Variants in SPSB4 observed in about 807,000 individuals in gnomAD.
SPSB4 encodes the protein SPRY domain-containing SOCS box protein 4.
SPSB4 carries 21 observed loss-of-function variants against 20.9 expected under a neutral mutation model. The observed-to-expected ratio is 1.01, with a 90% confidence interval of 0.71 to 1.45. SPSB4 has a LOEUF of 1.45. Among genes scored for constraint, SPSB4 ranks in the 40% most tolerant of loss-of-function variants. The probability of loss-of-function intolerance (pLI) is 0.00; values close to 1 mark genes in which losing one functional copy is unlikely to be tolerated. For missense variants in SPSB4, 399 were observed against 399.2 expected (o/e 1.00, Z 0.00); for synonymous variants, 207 against 183.8 (o/e 1.13, Z -1.02).
chr3:141,127,002 A>G (rs566267232), intron 2 of SPSB4, among the ~76,000 whole-genome samples: 290 of 152,360 alleles, frequency 1.9e-3, no homozygotes, highest in South Asian at 5.0e-3. Flanking sequence ...CTCCCCGCCC[A>G]ACCCAAACAC....
At chr3:141,074,966 AC>A (rs928527976) in intron 2 of SPSB4, among the ~76,000 whole-genome samples, 7 of 152,170 alleles carry the variant, frequency 4.6e-5, no homozygotes, top group African/African-American at 1.7e-4. Flanking sequence ...CCAATGCAAG[AC>A]CCACCTTTTA....
chr3:141,054,455 C>T (rs934185405), intron 1 of SPSB4, among the ~76,000 whole-genome samples: 7 of 152,228 alleles, frequency 4.6e-5, no homozygotes, highest in Non-Finnish European at 1.0e-4. Context: ...ATGGTTCCTA[C>T]ATAAGCCAAC....
intron 2 of SPSB4, among the ~76,000 whole-genome samples, chr3:141,126,238 C>T (rs530959296): frequency 6.6e-6 from 1 of 152,128 alleles, no homozygotes; most frequent in Non-Finnish European, 1.5e-5. Context: ...AGGCTCAAAC[C>T]CCTGTCTCCT....
At position 141,100,243 on chromosome 3, in the gene SPSB4, C is replaced by A. The variant is rs148460931; in HGVS notation, c.694+33445C>A. ...ACAAATTCATATGTTGATGTCCTAA[C>A]CCCAGCACCTCAGAAAGTGACCTCA... On this transcript the variant is annotated intron_variant, in intron 2 of 2. Coordinates refer to ENST00000310546, the MANE Select transcript of SPSB4 (RefSeq NM_080862.3). Among the ~76,000 whole-genome samples, 242 of 152,232 alleles carry A rather than the reference C, an allele frequency of 1.6e-3. 1 individual carries two copies. Among genetic ancestry groups the A allele is most frequent in the African/African-American group, 5.4e-3 (223 of 41,530 alleles).
chr3:141,071,330 G>A (rs1937998476), intron 2 of SPSB4, among the ~76,000 whole-genome samples: 1 of 152,172 alleles, frequency 6.6e-6, no homozygotes, highest in Non-Finnish European at 1.5e-5. Context: ...CTTGGGTGGT[G>A]AGTGGTATGT....
At chr3:141,105,742 C>T (rs924652885) in intron 2 of SPSB4, among the ~76,000 whole-genome samples, 7 of 152,192 alleles carry the variant, frequency 4.6e-5, no homozygotes, top group Non-Finnish European at 1.0e-4. Flanking sequence ...ATAAAGAAGA[C>T]ACAATGTAAG....
chr3:141,061,477 A>G (rs941546134), intron 1 of SPSB4, among the ~76,000 whole-genome samples: 4 of 152,058 alleles, frequency 2.6e-5, no homozygotes, highest in Non-Finnish European at 5.9e-5. Flanking sequence ...GAAAAACTAA[A>G]CAGATAGTAC....
intron 1 of SPSB4, among the ~76,000 whole-genome samples, chr3:141,058,532 A>G (rs376149371): frequency 6.6e-6 from 1 of 152,164 alleles, no homozygotes; most frequent in South Asian, 2.1e-4. Flanking sequence ...TCCTGTCAGG[A>G]AGATGGATCC....
At chr3:141,105,634 C>T (rs1938675657) in intron 2 of SPSB4, among the ~76,000 whole-genome samples, 2 of 152,174 alleles carry the variant, frequency 1.3e-5, no homozygotes, top group Admixed American at 1.3e-4. Context: ...ACAGCTAATA[C>T]ACGGCAGAGT....
intron 2 of SPSB4, among the ~76,000 whole-genome samples, chr3:141,071,703 G>A (rs953783237): frequency 1.3e-5 from 2 of 152,120 alleles, no homozygotes; most frequent in African/African-American, 2.4e-5. Flanking sequence ...CAGAACGGGC[G>A]CCAGTGTCAG....
chr3:141,147,364 A>G lies in SPSB4; in HGVS notation c.*95A>G, dbSNP rs11925313. 1,426 of 1,555,518 alleles carry G rather than the reference A, an allele frequency of 9.2e-4. 12 individuals carry two copies. The African/African-American group carries it at 0.014, about 15-fold the overall frequency. The stretch of plus-strand genomic sequence containing the variant: ...CCATGGCACATAGGGGAAAGGATCT[A>G]CCCTTCTCCTGGCTCCCCAGGACAC... On this transcript the variant is annotated 3_prime_UTR_variant, in exon 3 of 3. Transcript: ENST00000310546.
intron 2 of SPSB4, among the ~76,000 whole-genome samples, chr3:141,137,583 T>C (rs1939250608): frequency 6.6e-6 from 1 of 152,254 alleles, no homozygotes; most frequent in South Asian, 2.1e-4. Context: ...TCTGCATCTG[T>C]TGAGAAAATC....
intron 2 of SPSB4, among the ~76,000 whole-genome samples, chr3:141,121,645 G>A (rs768976084): frequency 1.4e-4 from 21 of 152,074 alleles, no homozygotes; most frequent in East Asian, 9.7e-4. Context: ...TTGTCTTCTC[G>A]CTTTATTTCA....
At chr3:141,102,136 G>C (rs1034524956) in intron 2 of SPSB4, among the ~76,000 whole-genome samples, 1 of 152,246 alleles carries the variant, frequency 6.6e-6, no homozygotes, top group Non-Finnish European at 1.5e-5. Context: ...CAGGCAGAAA[G>C]AGCAAGAAAT....
chr3:141,088,041 G>A (rs1938383221), intron 2 of SPSB4, among the ~76,000 whole-genome samples: 1 of 152,168 alleles, frequency 6.6e-6, no homozygotes, highest in Non-Finnish European at 1.5e-5. Context: ...GCATCAGGGT[G>A]ATAACTCCGC....
rs557014254 is a variant in SPSB4, at chr3:141,107,966, T to A, written c.695-39176T>A. Among the ~76,000 whole-genome samples, 108 of 122,036 alleles carry A rather than the reference T, an allele frequency of 8.8e-4. No individual in the cohort carries two copies. In the South Asian group the frequency reaches 0.024, roughly 28 times the overall value. 80.1% of individuals were successfully genotyped at this position (122,036 alleles called of 152,430 possible). On this transcript the variant is annotated intron_variant, in intron 2 of 2. Coordinates refer to ENST00000310546, the MANE Select transcript of SPSB4 (RefSeq NM_080862.3). Reference sequence around the variant, plus strand: ...CGAGACTCTGTCTTAAAAAAAAAAATAAAATAAAAGATTTTTATTTGTCTG... The same window carrying A: ...CGAGACTCTGTCTTAAAAAAAAAAAAAAAATAAAAGATTTTTATTTGTCTG...
At chr3:141,091,420 G>A (rs1166868864) in intron 2 of SPSB4, among the ~76,000 whole-genome samples, 1 of 152,232 alleles carries the variant, frequency 6.6e-6, no homozygotes, top group Non-Finnish European at 1.5e-5. Context: ...ATTAATGACA[G>A]AAATTATTGT....
chr3:141,101,500 G>A (rs1227496277), intron 2 of SPSB4, among the ~76,000 whole-genome samples: 3 of 152,224 alleles, frequency 2.0e-5, no homozygotes, highest in Non-Finnish European at 4.4e-5. Context: ...CCCCAAGCTA[G>A]TTCTGGAACC....
At chr3:141,073,351 T>C (rs988205533) in intron 2 of SPSB4, among the ~76,000 whole-genome samples, 1 of 152,246 alleles carries the variant, frequency 6.6e-6, no homozygotes, top group East Asian at 1.9e-4. Context: ...GTTTCCAGTT[T>C]AAAATACAGT....
Sources: gnomAD v4.1 joint callset for allele counts (sites outside exome capture counted in the v4.1 genomes callset) on GRCh38, gnomAD v4.1.1 for gene constraint, MANE v1.5 for transcripts, NCBI Gene and HGNC (gene_info 2026-07-23, HGNC 2026-07-21) for gene names.